Variants in DNAJC1 observed in about 807,000 individuals in gnomAD.
DNAJC1 encodes the protein dnaJ homolog subfamily C member 1.
A neutral mutation model predicts 76.6 loss-of-function variants in DNAJC1; 58 were observed. That is an observed-to-expected ratio of 0.76 (90% CI 0.61 to 0.94). The LOEUF is 0.94. Among genes scored for constraint, DNAJC1 ranks in the 40% least tolerant of loss-of-function variants. DNAJC1 has a pLI of 0.00. For missense variants in DNAJC1, 689 were observed against 677.3 expected, an observed-to-expected ratio of 1.02 and a Z score of -0.19; for synonymous variants, 258 against 267.9, an observed-to-expected ratio of 0.96 and a Z score of 0.36.
intron 9 of DNAJC1, among the ~76,000 whole-genome samples, chr10:21,776,852 T>C (rs2131624931): frequency 6.6e-6 from 1 of 152,320 alleles, no homozygotes. Flanking sequence ...GACAATTGTG[T>C]AGTCTTGTAG....
At chr10:21,890,810 A>C (rs1194872711) in intron 7 of DNAJC1, among the ~76,000 whole-genome samples, 2 of 152,200 alleles carry the variant, frequency 1.3e-5, no homozygotes, top group African/African-American at 4.8e-5. Flanking sequence ...CCAAATTTAA[A>C]TCAAAAATCA....
intron 8 of DNAJC1, among the ~76,000 whole-genome samples, chr10:21,851,762 T>C (rs1320776911): frequency 6.6e-6 from 1 of 151,970 alleles, no homozygotes; most frequent in Non-Finnish European, 1.5e-5. Flanking sequence ...GATAAACAAA[T>C]TGTAAGATAC....
chr10:21,829,499 A>G (rs1288880046), intron 8 of DNAJC1, among the ~76,000 whole-genome samples: 1 of 152,174 alleles, frequency 6.6e-6, no homozygotes, highest in African/African-American at 2.4e-5. Context: ...TACAGGCATG[A>G]GCCAATGCGC....
intron 4 of DNAJC1, 185 bp downstream of exon 4, chr10:21,920,613 G>T: frequency 2.0e-6 from 1 of 490,652 alleles, no homozygotes; most frequent in East Asian, 3.7e-5. Context: ...TTTTTTAAAA[G>T]AAGAATATTT....
chr10:21,929,947 A>G (rs888382149), intron 1 of DNAJC1, among the ~76,000 whole-genome samples: 2 of 152,232 alleles, frequency 1.3e-5, no homozygotes, highest in African/African-American at 2.4e-5. Context: ...TATAAAATGC[A>G]TAATAATAAC....
At chr10:21,844,803 G>A (rs1358325171) in intron 8 of DNAJC1, among the ~76,000 whole-genome samples, 1 of 152,214 alleles carries the variant, frequency 6.6e-6, no homozygotes, top group Non-Finnish European at 1.5e-5. Context: ...GGGAGGCCAA[G>A]GTGGGAGGAT....
At chr10:21,761,413 G>A (rs757155561) in intron 10 of DNAJC1, among the ~76,000 whole-genome samples, 30 of 152,004 alleles carry the variant, frequency 2.0e-4, no homozygotes, top group Non-Finnish European at 2.4e-4. Flanking sequence ...GCAAAAATTA[G>A]CCGGGTGTGG....
At chr10:21,916,621 A>C (rs1409076157) in intron 6 of DNAJC1, among the ~76,000 whole-genome samples, 1 of 152,230 alleles carries the variant, frequency 6.6e-6, no homozygotes, top group African/African-American at 2.4e-5. Context: ...CTCCTTTTTG[A>C]CCACTGTTCC....
intron 9 of DNAJC1, among the ~76,000 whole-genome samples, chr10:21,799,286 C>T (rs903598495): frequency 2.0e-5 from 3 of 151,824 alleles, no homozygotes; most frequent in African/African-American, 7.3e-5. Context: ...TTGCTTTTTA[C>T]TGTTTTTTGT....
chr10:21,986,180 C>T (rs1838244362), intron 1 of DNAJC1, among the ~76,000 whole-genome samples: 1 of 152,098 alleles, frequency 6.6e-6, no homozygotes, highest in Non-Finnish European at 1.5e-5. Flanking sequence ...TGAGCCACTG[C>T]ACTCCAGCCT....
At position 21,926,247 on chromosome 10, in the gene DNAJC1, C is replaced by T. The variant is rs552484075; in HGVS notation, c.371+2259G>A. On this transcript the variant is annotated intron_variant, in intron 3 of 11. Transcript: ENST00000376980. ...GATTACAGATGTGAGCCACTGTACC[C>T]AGCCAGCCTTTCCTTTTTTTTTTTT... Among the ~76,000 whole-genome samples, 8 of 151,824 alleles carry T rather than the reference C, an allele frequency of 5.3e-5. No homozygotes were observed. The South Asian group carries it at 8.3e-4, about 16-fold the overall frequency.
intron 8 of DNAJC1, among the ~76,000 whole-genome samples, chr10:21,844,915 A>G (rs1053123869): frequency 6.6e-6 from 1 of 152,158 alleles, no homozygotes; most frequent in African/African-American, 2.4e-5. Context: ...CTGTAGCCCA[A>G]GCTACCCAGG....
rs569366393 is a variant in DNAJC1, at chr10:21,976,290, C to G, written c.222+26923G>C. 6.6e-5 allele frequency among the ~76,000 whole-genome samples: 10 copies of G among 152,204 alleles called. No individual in the cohort carries two copies. In the South Asian group the frequency reaches 1.2e-3, roughly 19 times the overall value. ...AAGTATATACCAACCAGGCATGCAA[C>G]ATTTGGTAATGAACATATTGTAAAA... On this transcript the variant is annotated intron_variant, in intron 1 of 11. Transcript: ENST00000376980.
chr10:21,779,670 T>C (rs906004186), intron 9 of DNAJC1, among the ~76,000 whole-genome samples: 1 of 152,094 alleles, frequency 6.6e-6, no homozygotes, highest in Non-Finnish European at 1.5e-5. Context: ...AAGCTGAGAA[T>C]TCTAAAAATC....
At chr10:21,759,746 TC>T in intron 10 of DNAJC1, 128 bp from the exon 11 acceptor site, 1 of 744,088 alleles carries the variant, frequency 1.3e-6, no homozygotes, top group Non-Finnish European at 2.2e-6. Flanking sequence ...TAATTTCATT[TC>T]CACACTACTC....
chr10:21,988,583 T>A (rs1044130743), intron 1 of DNAJC1, among the ~76,000 whole-genome samples: 30 of 152,310 alleles, frequency 2.0e-4, no homozygotes, highest in African/African-American at 6.0e-4. Flanking sequence ...CGCTTAATTC[T>A]ATGAAGCTAA....
At position 21,985,176 on chromosome 10, in the gene DNAJC1, T is replaced by C. The variant is rs189502387; in HGVS notation, c.222+18037A>G. ...TCACCAAAATCCCACCTTAGAATAT[T>C]TCTATCATCCTACAGAGATCTCTCC... is the stretch of plus-strand genomic sequence containing the variant. On this transcript the variant is annotated intron_variant, in intron 1 of 11. Coordinates refer to ENST00000376980, the MANE Select transcript of DNAJC1 (RefSeq NM_022365.4). Among the ~76,000 whole-genome samples the C allele has an allele frequency of 2.8e-3, 428 of 152,144 alleles. 4 individuals carry two copies. Among genetic ancestry groups the C allele is most frequent in the Non-Finnish European group, 5.1e-3 (344 of 67,972 alleles).
intron 8 of DNAJC1, among the ~76,000 whole-genome samples, chr10:21,860,361 A>G (rs1835901449): frequency 6.6e-6 from 1 of 152,162 alleles, no homozygotes; most frequent in Non-Finnish European, 1.5e-5. Flanking sequence ...TAAGAAAACT[A>G]AAACTCAGAT....
chr10:21,929,204 AAC>A (rs952863957), intron 1 of DNAJC1, 63 bp from the exon 2 acceptor site: 3 of 1,184,126 alleles, frequency 2.5e-6, no homozygotes, highest in Admixed American at 2.2e-5. Context: ...AAATTCCCAG[AAC>A]CTTGTTAAGA....
Sources: gnomAD v4.1 joint callset for allele counts (sites outside exome capture counted in the v4.1 genomes callset) on GRCh38, gnomAD v4.1.1 for gene constraint, MANE v1.5 for transcripts, NCBI Gene and HGNC (gene_info 2026-07-23, HGNC 2026-07-21) for gene names.